Variants in FBXO33 observed in about 807,000 individuals in gnomAD.
The protein encoded by FBXO33 is F-box protein 33, also known as F-box only protein 33.
A neutral mutation model predicts 46.3 loss-of-function variants in FBXO33; 22 were observed. The ratio of observed to expected loss-of-function variants is 0.48; its 90% CI spans 0.34 to 0.68. FBXO33 has a LOEUF of 0.68. Ranked by LOEUF, FBXO33 falls within the 30% of genes least tolerant of loss-of-function variation. FBXO33 has a pLI of 0.01. For missense variants in FBXO33, 692 were observed against 708.8 expected (o/e 0.98, Z 0.27); for synonymous variants, 337 against 291.3 (o/e 1.16, Z -1.60).
chr14:39,424,666 T>A (rs534516967), intron 1 of FBXO33, among the ~76,000 whole-genome samples: 27 of 152,292 alleles, frequency 1.8e-4, no homozygotes, highest in African/African-American at 6.5e-4. Flanking sequence ...ATAGAACCAG[T>A]GGAAAACCGC....
chr14:39,430,537 G>A (rs541643072), intron 1 of FBXO33, among the ~76,000 whole-genome samples: 151 of 152,250 alleles, frequency 9.9e-4, no homozygotes, highest in Non-Finnish European at 1.6e-3. Flanking sequence ...ATCCTATAAA[G>A]GGTCAGTTTC....
At chr14:39,403,011 C>T (rs950584653) in intron 1 of FBXO33, among the ~76,000 whole-genome samples, 9 of 152,174 alleles carry the variant, frequency 5.9e-5, no homozygotes, top group South Asian at 2.1e-4. Context: ...TCTTAATGTG[C>T]GTGAGACTCA....
chr14:39,399,894 T>G, intron 3 of FBXO33, 107 bp from the exon 4 acceptor site: 15 of 1,211,112 alleles, frequency 1.2e-5, no homozygotes, highest in Middle Eastern at 2.1e-4. Flanking sequence ...TTCAAATTTG[T>G]ATCTCACTTA....
chr14:39,405,073 G>A (rs2075387783), intron 1 of FBXO33, among the ~76,000 whole-genome samples: 1 of 150,968 alleles, frequency 6.6e-6, no homozygotes, highest in African/African-American at 2.4e-5. Context: ...GCGTGAACCT[G>A]GGAGATGGGA....
At position 39,431,914 on chromosome 14, in the gene FBXO33, C is replaced by G; in HGVS notation, c.249G>C (p.Leu83=). 6.5e-7 allele frequency: 1 copy of G among 1,541,272 alleles called. No homozygotes were observed. ...SELIVHIFSF[L]PAPDRLRASA... is the part of the protein sequence containing the mutation. ...AGGCCCGCAGCCGGTCGGGCGCCGG[C>G]AGAAAAGAGAAGATGTGCACGATCA... Residue 83 remains leucine, a synonymous_variant, in exon 1 of 4, where the codon CTG becomes CTC. Coordinates refer to ENST00000298097, the MANE Select transcript of FBXO33 (RefSeq NM_203301.4).
At chr14:39,430,862 T>C (rs929969361) in intron 1 of FBXO33, among the ~76,000 whole-genome samples, 10 of 152,252 alleles carry the variant, frequency 6.6e-5, no homozygotes, top group Admixed American at 2.0e-4. Context: ...AGAACAGTTA[T>C]GTGCTTACCC....
chr14:39,399,323 CA>C lies in FBXO33; in HGVS notation c.*192del. On this transcript the variant is annotated 3_prime_UTR_variant, in exon 4 of 4. Coordinates refer to ENST00000298097, the MANE Select transcript of FBXO33 (RefSeq NM_203301.4). ...GTCCATTAACCGTGAAAGCCCTATA[CA>C]TTGTCACTTTGAACTTCTAAACCAA... The C allele has an allele frequency of 4.1e-6, 2 of 485,356 alleles. No homozygotes were observed. The highest frequency in any genetic ancestry group is 7.2e-6 in the Non-Finnish European group (2 of 278,136). 30.1% of individuals were successfully genotyped at this position (485,356 alleles called of 1,614,324 possible).
In FBXO33 at chr14:39,432,033, C is replaced by G. The variant is rs1357110200; in HGVS notation, c.130G>C (p.Val44Leu). 3.8e-6 allele frequency: 5 copies of G among 1,330,440 alleles called. No individual in the cohort carries two copies. The highest frequency in any genetic ancestry group is 3.9e-5 in the South Asian group (2 of 50,650). 82.4% of individuals were successfully genotyped at this position (1,330,440 alleles called of 1,614,324 possible). ...QLRRLRGLLR[V>L]LRGRPGAGSR... is the part of the protein sequence containing the mutation. ...CCGGCTCCCGGCCGCCCCCGCAGTA[C>G]CCGGAGCAGCCCCCGCAGCCGTCGC... The change falls in exon 1 of 4, where the codon GTA becomes CTA. Residue 44 changes from valine (V) to leucine (L), a missense_variant. Val to Leu is a conservative substitution (Grantham distance 32). This residue lies in a region of FBXO33 where 412 missense variants were observed against 370.8 expected (regional missense o/e 1.11). Coordinates refer to ENST00000298097, the MANE Select transcript of FBXO33 (RefSeq NM_203301.4).
chr14:39,399,742 C>T lies in FBXO33; in HGVS notation c.1442G>A (p.Arg481Gln), dbSNP rs150531804. The T allele has an allele frequency of 2.5e-6, 4 of 1,610,208 alleles. No individual in the cohort carries two copies. The highest frequency in any genetic ancestry group is 1.3e-5 in the African/African-American group (1 of 74,854). ...TTCAAGCACTTTCAGATCAGAGCCC[C>T]GAAGACGAGCAATGGCAATGAGGTT... ...AHNLIAIARL[R>Q]GSDLKVLEVT... Residue 481 changes from arginine to glutamine, a missense_variant, in exon 4 of 4, where the codon CGG (arginine) becomes CAG (glutamine). Around this residue, in one of 3 missense-constraint regions of FBXO33, gnomAD observed 186 missense variants for 246.1 expected, o/e 0.76. Coordinates refer to ENST00000298097, the MANE Select transcript of FBXO33 (RefSeq NM_203301.4).
In FBXO33 at chr14:39,432,089, G is replaced by A. The variant is rs893823435; in HGVS notation, c.74C>T (p.Ala25Val). ...CTGCAGCCGCAGCCGCCGCCACCGC[G>A]CCACCCGGGCGGCCCCGGCTCGGGT... is the stretch of plus-strand genomic sequence containing the variant. ...ARTRAGAARV[A>V]RWRRLRLQQL... is the part of the protein sequence containing the mutation. Residue 25 changes from alanine to valine, a missense_variant, in exon 1 of 4, where the codon GCG becomes GTG. Transcript: ENST00000298097. The A allele has an allele frequency of 4.0e-6, 5 of 1,242,056 alleles. No individual in the cohort carries two copies. In the African/African-American group the frequency reaches 4.7e-5, roughly 12 times the overall value. The allele number at this position is 1,242,056 out of a possible 1,614,324, so 76.9% of individuals were successfully genotyped here.
intron 1 of FBXO33, among the ~76,000 whole-genome samples, chr14:39,420,127 TAA>T (rs1298991146): frequency 6.6e-6 from 1 of 152,246 alleles, no homozygotes; most frequent in Non-Finnish European, 1.5e-5. Context: ...ATTTAATTAC[TAA>T]AATATGTATA....
chr14:39,408,335 G>T (rs1272914115), intron 1 of FBXO33, among the ~76,000 whole-genome samples: 1 of 152,122 alleles, frequency 6.6e-6, no homozygotes, highest in East Asian at 1.9e-4. Flanking sequence ...ATGAAACTCA[G>T]CATCTTGCCA....
intron 1 of FBXO33, among the ~76,000 whole-genome samples, chr14:39,427,881 G>A (rs1301422271): frequency 6.6e-6 from 1 of 152,130 alleles, no homozygotes. Context: ...CCAGGAATTT[G>A]AGGCTGCAGT....
At chr14:39,411,747 T>A (rs2139409032) in intron 1 of FBXO33, among the ~76,000 whole-genome samples, 1 of 152,252 alleles carries the variant, frequency 6.6e-6, no homozygotes, top group East Asian at 1.9e-4. Flanking sequence ...GGTCTCGATC[T>A]CTTGACCTCG....
chr14:39,401,540 A>C lies in FBXO33; in HGVS notation c.1032T>G (p.Val344=). ...TGTCCAGAGACTTGTGCATTACAGA[A>C]ACATTGTGAACCAGAAGAGACAGTC... ...LQRLSLLVHN[V]SVMHKSLDNM... The change falls in exon 3 of 4, where the codon GTT becomes GTG. Residue 344 remains valine (V), a synonymous_variant. Transcript: ENST00000298097. 6.2e-7 allele frequency: 1 copy of C among 1,614,176 alleles called. No homozygotes were observed. The highest frequency in any genetic ancestry group is 1.1e-5 in the South Asian group (1 of 91,074).
intron 1 of FBXO33, among the ~76,000 whole-genome samples, chr14:39,404,115 T>G (rs1479106185): frequency 6.6e-6 from 1 of 152,210 alleles, no homozygotes; most frequent in East Asian, 1.9e-4. Flanking sequence ...AGCCCAATGA[T>G]TCTAAAATTT....
intron 1 of FBXO33, among the ~76,000 whole-genome samples, chr14:39,424,371 T>C (rs927695639): frequency 3.3e-5 from 5 of 152,270 alleles, no homozygotes; most frequent in Admixed American, 3.3e-4. Flanking sequence ...ACGTGTTTTC[T>C]GTCTTCTTTT....
At chr14:39,418,124 C>G (rs1017273728) in intron 1 of FBXO33, among the ~76,000 whole-genome samples, 1 of 151,612 alleles carries the variant, frequency 6.6e-6, no homozygotes, top group Admixed American at 6.6e-5. Flanking sequence ...AATGCAGTGG[C>G]GCGATCTCTG....
Position 39,432,142 on chromosome 14 carries a change from C to T in FBXO33, c.21G>A (p.Val7=). MLLFLS[V]PQPRPPGART... ...GAGCTCCCGGCGGTCGGGGCTGCGG[C>T]ACTGACAAGAACAACAACATCAATG... Residue 7 remains valine (V), a synonymous_variant, in exon 1 of 4, where the codon GTG becomes GTA. Coordinates refer to ENST00000298097, the MANE Select transcript of FBXO33 (RefSeq NM_203301.4). 8.1e-7 allele frequency: 1 copy of T among 1,239,320 alleles called. No individual in the cohort carries two copies. Among genetic ancestry groups the T allele is most frequent in the Non-Finnish European group, 1.0e-6 (1 of 992,364 alleles). The allele number at this position is 1,239,320 out of a possible 1,614,324, so 76.8% of individuals were successfully genotyped here.
Sources: gnomAD v4.1 joint callset for allele counts (sites outside exome capture counted in the v4.1 genomes callset) on GRCh38, gnomAD v4.1.1 for gene constraint, gnomAD v4.1.1 regional missense constraint, MANE v1.5 for transcripts, NCBI Gene and HGNC (gene_info 2026-07-23, HGNC 2026-07-21) for gene names.